The following ADAT2 variants were observed in gnomAD, a reference collection of about 807,000 sequenced individuals.
ADAT2 encodes the protein adenosine deaminase tRNA specific 2, also known as tRNA-specific adenosine-34 deaminase catalytic subunit ADAT2.
In ADAT2, 26 loss-of-function variants were observed where a neutral mutation model predicts 25.9. That is an observed-to-expected ratio of 1.00 (90% CI 0.74 to 1.39). The LOEUF (loss-of-function observed/expected upper bound fraction) is 1.39, where lower values mean the gene tolerates loss of function less well. ADAT2 is among the 40% of genes most tolerant of loss of function. The pLI, the probability that ADAT2 is intolerant of heterozygous loss-of-function variation, is 0.00. For synonymous variants in ADAT2, 76 were observed against 86.8 expected, an observed-to-expected ratio of 0.88 and a Z score of 0.69; for missense variants, 220 against 244.8, an observed-to-expected ratio of 0.90 and a Z score of 0.68.
chr6:143,447,017 T>C (rs1389701991), intron 1 of ADAT2, among the ~76,000 whole-genome samples: 1 of 152,240 alleles, frequency 6.6e-6, no homozygotes, highest in Non-Finnish European at 1.5e-5. Context: ...ATGATGATGC[T>C]ATGCTTAGCT....
intron 4 of ADAT2, among the ~76,000 whole-genome samples, chr6:143,430,564 A>G (rs756494519): frequency 6.5e-5 from 9 of 139,414 alleles, no homozygotes; most frequent in Non-Finnish European, 1.4e-4. Flanking sequence ...GCAAACATTC[A>G]TAATAATTTT....
Position 143,427,103 on chromosome 6 carries a change from A to ACT in ADAT2, c.*1359_*1360insAG, listed in dbSNP as rs1778955600. The ACT allele has an allele frequency of 6.7e-6, 1 of 148,336 alleles. No homozygotes were observed. The highest frequency in any genetic ancestry group is 6.7e-5 in the Admixed American group (1 of 14,974). The allele number at this position is 148,336 out of a possible 1,614,324, so 9.2% of individuals were successfully genotyped here. ...ACTTTTCAAATGCAGTTAAACACAC[A>ACT]CACACACACACACACACACACACAC... On this transcript the variant is annotated 3_prime_UTR_variant, in exon 6 of 6. Transcript: ENST00000237283.
chr6:143,450,252 T>C (rs945275478), intron 1 of ADAT2, among the ~76,000 whole-genome samples: 2 of 152,026 alleles, frequency 1.3e-5, no homozygotes, highest in African/African-American at 4.8e-5. Context: ...ACTTTGTAGA[T>C]TGGAGAGTGT....
Position 143,423,848 on chromosome 6 carries a change from T to G in ADAT2, c.*4615A>C, listed in dbSNP as rs1778851035. 6.6e-6 allele frequency: 1 copy of G among 152,180 alleles called. No homozygotes were observed. The highest frequency in any genetic ancestry group is 1.5e-5 in the Non-Finnish European group (1 of 68,036). 9.4% of individuals were successfully genotyped at this position (152,180 alleles called of 1,614,324 possible). On this transcript the variant is annotated 3_prime_UTR_variant, in exon 6 of 6. Coordinates refer to ENST00000237283, the MANE Select transcript of ADAT2 (RefSeq NM_182503.3). ...TTCTCTCTAAACTAGCTTAGCAGGA[T>G]TCTTGCTAAAGCTGGGCTGTATAGG...
Position 143,436,905 on chromosome 6 carries a change from C to T in ADAT2, c.201+1685G>A, listed in dbSNP as rs1359920307. On this transcript the variant is annotated intron_variant, in intron 2 of 5. Transcript: ENST00000237283. This position sits in a 1 kb window ranked among gnomAD's most constrained non-coding sequence, Gnocchi z 4.1. ...GTATGACTTACATATATTCATGCTTCTCACTTATTACAGGGTAAATTTAAA... is the reference window on the plus strand; with the variant it reads ...GTATGACTTACATATATTCATGCTTTTCACTTATTACAGGGTAAATTTAAA... Among the ~76,000 whole-genome samples the T allele has an allele frequency of 6.6e-6, 1 of 152,022 alleles. No homozygotes were observed. Among genetic ancestry groups the T allele is most frequent in the Non-Finnish European group, 1.5e-5 (1 of 68,002 alleles).
Position 143,437,190 on chromosome 6 carries a change from A to G in ADAT2, c.201+1400T>C, listed in dbSNP as rs1210183074. On this transcript the variant is annotated intron_variant, in intron 2 of 5. Transcript: ENST00000237283. The surrounding 1 kb of genome is among the most constrained non-coding windows in gnomAD (Gnocchi z 4.1). ...ACAGTTCCTATTGATTGGAACTGCT[A>G]GGGCGAAGTATATGCAAAATCTACA... Among the ~76,000 whole-genome samples, 2 of 152,216 alleles carry G rather than the reference A, an allele frequency of 1.3e-5. No homozygotes were observed. Among genetic ancestry groups the G allele is most frequent in the East Asian group, 3.8e-4 (2 of 5,204 alleles).
At position 143,428,160 on chromosome 6, in the gene ADAT2, C is replaced by G; in HGVS notation, c.*303G>C. 2.8e-6 allele frequency: 1 copy of G among 360,076 alleles called. No homozygotes were observed. Among genetic ancestry groups the G allele is most frequent in the Non-Finnish European group, 5.0e-6 (1 of 198,104 alleles). The allele number at this position is 360,076 out of a possible 1,614,324, so 22.3% of individuals were successfully genotyped here. On this transcript the variant is annotated 3_prime_UTR_variant, in exon 6 of 6. Transcript: ENST00000237283. This position sits in a 1 kb window ranked among gnomAD's most constrained non-coding sequence, Gnocchi z 5.0. ...CATTCTCTAAGAAGTCAGCACTTGC[C>G]TGGACTGGGCACTTGTGGCTAGAAG...
chr6:143,423,299 A>G lies in ADAT2; in HGVS notation c.*5164T>C, dbSNP rs1778835831. 6.6e-6 allele frequency: 1 copy of G among 152,234 alleles called. No homozygotes were observed. 9.4% of individuals were successfully genotyped at this position (152,234 alleles called of 1,614,324 possible). On this transcript the variant is annotated 3_prime_UTR_variant, in exon 6 of 6. Transcript: ENST00000237283. Reference sequence around the variant, plus strand: ...ATCCAATGTAACTTTATTTATGGACACTGAAATTTGATTGCCATATAAGGT... The same window carrying G: ...ATCCAATGTAACTTTATTTATGGACGCTGAAATTTGATTGCCATATAAGGT...
At position 143,432,457 on chromosome 6, in the gene ADAT2, G is replaced by A. The variant is rs1220264322; in HGVS notation, c.459+48C>T. ...CTAGTTATTCACAAGCCCATAAAGA[G>A]ATGAAAATAATTAGCAAGAAAGAAA... On this transcript the variant is annotated intron_variant, in intron 4 of 5. Coordinates refer to ENST00000237283, the MANE Select transcript of ADAT2 (RefSeq NM_182503.3). This position sits in a 1 kb window ranked among gnomAD's most constrained non-coding sequence, Gnocchi z 4.4. The A allele has an allele frequency of 4.0e-6, 6 of 1,518,154 alleles. No homozygotes were observed. In the Admixed American group the frequency reaches 5.0e-5, roughly 13 times the overall value. 94.0% of individuals were successfully genotyped at this position (1,518,154 alleles called of 1,614,324 possible). A position where few individuals can be genotyped will look rare whatever the true frequency, so the allele number is the denominator to read the frequency against.
intron 1 of ADAT2, chr6:143,445,097 C>G: frequency 3.3e-6 from 1 of 301,082 alleles, no homozygotes; most frequent in Non-Finnish European, 6.0e-6. Context: ...TGATTACTCT[C>G]TGAGTAATTA....
rs1367060558 is a variant in ADAT2, at chr6:143,434,734, A to G, written c.202-753T>C. ...ATGAAGCATGGTGCCACATAATACT[A>G]CACATGTACTCTGCTAGCTCTTGTC... On this transcript the variant is annotated intron_variant, in intron 2 of 5. Coordinates refer to ENST00000237283, the MANE Select transcript of ADAT2 (RefSeq NM_182503.3). The surrounding 1 kb of genome is among the most constrained non-coding windows in gnomAD (Gnocchi z 4.5). Among the ~76,000 whole-genome samples, 1 of 152,204 alleles carries G rather than the reference A, an allele frequency of 6.6e-6. No homozygotes were observed. The highest frequency in any genetic ancestry group is 1.5e-5 in the Non-Finnish European group (1 of 68,044).
rs1345578263 is a variant in ADAT2, at chr6:143,444,013, T to C, written c.97-5319A>G. 1.3e-5 allele frequency among the ~76,000 whole-genome samples: 2 copies of C among 151,062 alleles called. No homozygotes were observed. The highest frequency in any genetic ancestry group is 6.6e-5 in the Admixed American group (1 of 15,166). On this transcript the variant is annotated intron_variant, in intron 1 of 5. Coordinates refer to ENST00000237283, the MANE Select transcript of ADAT2 (RefSeq NM_182503.3). The surrounding 1 kb of genome is among the most constrained non-coding windows in gnomAD (Gnocchi z 4.3). ...GAAAGGACGTGAGTGGGATGGGAGATGAGATTCCATGTTGCCTGCAAGTTC... is the reference window on the plus strand; with the variant it reads ...GAAAGGACGTGAGTGGGATGGGAGACGAGATTCCATGTTGCCTGCAAGTTC...
Position 143,437,090 on chromosome 6 carries a change from A to T in ADAT2, c.201+1500T>A, listed in dbSNP as rs543726388. Among the ~76,000 whole-genome samples the T allele has an allele frequency of 8.5e-5, 13 of 152,158 alleles. No individual in the cohort carries two copies. Among genetic ancestry groups the T allele is most frequent in the Non-Finnish European group, 1.6e-4 (11 of 68,022 alleles). ...ATAAAAAAGTTTTTTTGGGGGGCTG[A>T]CATATTAACTACAGATTTTCTATGC... is the stretch of plus-strand genomic sequence containing the variant. On this transcript the variant is annotated intron_variant, in intron 2 of 5. Transcript: ENST00000237283. This position sits in a 1 kb window ranked among gnomAD's most constrained non-coding sequence, Gnocchi z 4.1.
rs2128744725 is a variant in ADAT2 at position 143,450,643 on chromosome 6, C to G, written c.16G>C (p.Ala6Pro). 6.2e-7 allele frequency: 1 copy of G among 1,613,646 alleles called. No individual in the cohort carries two copies. Among genetic ancestry groups the G allele is most frequent in the East Asian group, 2.2e-5 (1 of 44,868 alleles). The change falls in exon 1 of 6, where the codon GCA becomes CCA. Residue 6 changes from alanine (A) to proline (P), a missense_variant. Ala to Pro is a conservative substitution (Grantham distance 27). Transcript: ENST00000237283. MEAKA[A>P]PKPAASGACS... ...GCGCCGCTTGCAGCTGGCTTGGGTG[C>G]CGCCTTCGCCTCCATACCCAGCCAC...
chr6:143,448,876 T>A (rs1779671955), intron 1 of ADAT2, among the ~76,000 whole-genome samples: 1 of 152,086 alleles, frequency 6.6e-6, no homozygotes, highest in Admixed American at 6.6e-5. Flanking sequence ...TAAAAAGAAA[T>A]TTTAAAAAGA....
chr6:143,438,811 G>A (rs2128741958), intron 1 of ADAT2, 117 bp from the exon 2 acceptor site: 3 of 797,990 alleles, frequency 3.8e-6, no homozygotes, highest in Non-Finnish European at 6.2e-6. Flanking sequence ...ACAAAGAAGT[G>A]CAGCCTTCCC....
intron 1 of ADAT2, among the ~76,000 whole-genome samples, chr6:143,439,367 GAAGA>G (rs1416599400): frequency 8.8e-6 from 1 of 113,522 alleles, no homozygotes; most frequent in African/African-American, 3.3e-5. Flanking sequence ...AAAAAAAGAA[GAAGA>G]AAGAAAGTTT....
Position 143,424,765 on chromosome 6 carries a change from C to T in ADAT2, c.*3698G>A, listed in dbSNP as rs1778881582. The T allele has an allele frequency of 6.6e-6, 1 of 152,116 alleles. No homozygotes were observed. Among genetic ancestry groups the T allele is most frequent in the East Asian group, 1.9e-4 (1 of 5,206 alleles). 9.4% of individuals were successfully genotyped at this position (152,116 alleles called of 1,614,324 possible). On this transcript the variant is annotated 3_prime_UTR_variant, in exon 6 of 6. Coordinates refer to ENST00000237283, the MANE Select transcript of ADAT2 (RefSeq NM_182503.3). This position sits in a 1 kb window ranked among gnomAD's most constrained non-coding sequence, Gnocchi z 4.8. ...AATTTTTTTTATCAATTTTGGCAGACAGTAAAAGAGGAAGAATGCAATCAA... is the reference window on the plus strand; with the variant it reads ...AATTTTTTTTATCAATTTTGGCAGATAGTAAAAGAGGAAGAATGCAATCAA...
Position 143,424,069 on chromosome 6 carries a change from C to T in ADAT2, c.*4394G>A, listed in dbSNP as rs1199399817. On this transcript the variant is annotated 3_prime_UTR_variant, in exon 6 of 6. Transcript: ENST00000237283. This position sits in a 1 kb window ranked among gnomAD's most constrained non-coding sequence, Gnocchi z 4.8. ...AGTCACGAGCCTGTTTTCATTAGCTCAACTTGAAGAAAATGTAAGATCCTA... is the reference window on the plus strand; with the variant it reads ...AGTCACGAGCCTGTTTTCATTAGCTTAACTTGAAGAAAATGTAAGATCCTA... 2.6e-5 allele frequency: 4 copies of T among 152,150 alleles called. No individual in the cohort carries two copies. The allele number at this position is 152,150 out of a possible 1,614,324, so 9.4% of individuals were successfully genotyped here.
Sources: allele counts gnomAD v4.1 joint callset (sites outside exome capture counted in the v4.1 genomes callset), GRCh38; gene constraint gnomAD v4.1.1; non-coding constraint Gnocchi (gnomAD v3.1); transcripts MANE v1.5; gene names NCBI Gene and HGNC (gene_info 2026-07-23, HGNC 2026-07-21).